Variants in EIF4G1 observed in about 807,000 individuals in gnomAD.
The protein encoded by EIF4G1 is EIF4-gamma.
Under a neutral mutation model 187.8 loss-of-function variants are expected in EIF4G1, and 4 were observed. The ratio of observed to expected loss-of-function variants is 0.02; its 90% CI spans 0.01 to 0.05. The LOEUF (loss-of-function observed/expected upper bound fraction) is 0.05. EIF4G1 is among the 10% of genes least tolerant of loss of function. EIF4G1 has a pLI of 1.00. For missense variants in EIF4G1, 1,647 were observed against 2,081.1 expected (o/e 0.79, Z 4.06); for synonymous variants, 844 against 781.4 (o/e 1.08, Z -1.34).
rs199673780 is a variant in EIF4G1 at position 184,319,684 on chromosome 3, C to A, written c.425-5C>A. 1.3e-6 allele frequency: 2 copies of A among 1,574,366 alleles called. No homozygotes were observed. Among genetic ancestry groups the A allele is most frequent in the South Asian group, 1.2e-5 (1 of 86,588 alleles). On this transcript the variant is annotated splice_region_variant and splice_polypyrimidine_tract_variant and intron_variant, in intron 6 of 32. Transcript: ENST00000346169. ...ACCATTCTTCTCCGTCCCCCCTCCC[C>A]CAAGCTGGCGCCTACTATCCAGCCC...
In EIF4G1 at chr3:184,331,568, G is replaced by A. The variant is rs766081630; in HGVS notation, c.4357G>A (p.Glu1453Lys). 1 of 1,613,430 alleles carries A rather than the reference G, an allele frequency of 6.2e-7. No homozygotes were observed. The highest frequency in any genetic ancestry group is 1.1e-5 in the South Asian group (1 of 91,034). Residue 1453 changes from glutamate (E) to lysine (K), a missense_variant, in exon 30 of 33, where the codon GAG becomes AAG. Coordinates refer to ENST00000346169, the MANE Select transcript of EIF4G1 (RefSeq NM_198241.3). Reference sequence around the variant, plus strand: ...CAGGCAGCTGGAGAAGCTGCTGAAGGAGGGCAGCAGTAACCAGCGGGTGTT... The same window carrying A: ...CAGGCAGCTGGAGAAGCTGCTGAAGAAGGGCAGCAGTAACCAGCGGGTGTT... ...LNRQLEKLLK[E>K]GSSNQRVFDW...
chr3:184,317,551 AACTC>A (rs1402287491), intron 5 of EIF4G1, 54 bp downstream of exon 5: 2 of 1,605,248 alleles, frequency 1.2e-6, no homozygotes, highest in East Asian at 2.2e-5. Context: ...CCTCTCACTT[AACTC>A]ACCCTGACCC....
At chr3:184,331,226 A>G (rs1301138983) in intron 28 of EIF4G1, 40 bp from the exon 29 acceptor site, 1 of 1,607,898 alleles carries the variant, frequency 6.2e-7, no homozygotes, top group South Asian at 1.1e-5. Flanking sequence ...CCTTGGAGAG[A>G]GAGAGCTTTG....
At chr3:184,324,841 T>A (rs1466221207) in intron 17 of EIF4G1, 37 bp from the exon 18 acceptor site, 1 of 1,607,272 alleles carries the variant, frequency 6.2e-7, no homozygotes, top group Non-Finnish European at 8.5e-7. Flanking sequence ...AGTGGCTGGT[T>A]ATCTTTTTGA....
At chr3:184,315,254 G>C (rs1162658490) in intron 1 of EIF4G1, 7 of 436,228 alleles carry the variant, frequency 1.6e-5, no homozygotes, top group Non-Finnish European at 3.2e-5. Flanking sequence ...ACTCCTGGGC[G>C]GCGGCAGGCC....
Position 184,324,213 on chromosome 3 carries a change from A to T in EIF4G1, c.2485A>T (p.Thr829Ser), listed in dbSNP as rs111500185. ...CTCTGACCTACAGCTGAAAGTGCCC[A>T]CTACGGAAAAGCCAACAGTGACTGT... is the stretch of plus-strand genomic sequence containing the variant. ...CRCLMALKVP[T>S]TEKPTVTVNF... The change falls in exon 17 of 33, where the codon ACT becomes TCT. Residue 829 changes from threonine to serine, a missense_variant. This residue lies in a region of EIF4G1 where 36 missense variants were observed against 87.6 expected (regional missense o/e 0.41). Coordinates refer to ENST00000346169, the MANE Select transcript of EIF4G1 (RefSeq NM_198241.3). The T allele has an allele frequency of 4.9e-5, 79 of 1,614,122 alleles. No individual in the cohort carries two copies. Among genetic ancestry groups the T allele is most frequent in the Non-Finnish European group, 6.3e-5 (74 of 1,180,050 alleles).
In EIF4G1 at chr3:184,323,680, A is replaced by T; in HGVS notation, c.2274+87A>T. The stretch of plus-strand genomic sequence containing the variant: ...CTCTTTGCTTCTTTTTGTCCTTATC[A>T]CTAGCATCTGTCATGCCTAAGTCCC... On this transcript the variant is annotated intron_variant, in intron 15 of 32. Transcript: ENST00000346169. The surrounding 1 kb of genome is among the most constrained non-coding windows in gnomAD (Gnocchi z 6.9). The T allele has an allele frequency of 6.2e-7, 1 of 1,610,062 alleles. No individual in the cohort carries two copies. The highest frequency in any genetic ancestry group is 1.1e-5 in the South Asian group (1 of 90,800).
At chr3:184,315,919 A>C (rs2108457301) in intron 3 of EIF4G1, 63 bp downstream of exon 3, 1 of 1,411,832 alleles carries the variant, frequency 7.1e-7, no homozygotes, top group East Asian at 3.3e-5. Flanking sequence ...CAGCCTCTGG[A>C]TCTTCCTACC....
Position 184,323,134 on chromosome 3 carries a change from A to T in EIF4G1, c.1981A>T (p.Asn661Tyr). The change falls in exon 14 of 33, where the codon AAT becomes TAT. Residue 661 changes from asparagine (N) to tyrosine (Y), a missense_variant. Around this residue, in one of 11 missense-constraint regions of EIF4G1, gnomAD observed 140 missense variants for 222.2 expected, o/e 0.63. Transcript: ENST00000346169. This position sits in a 1 kb window ranked among gnomAD's most constrained non-coding sequence, Gnocchi z 6.9. ...PLDPTRLQGI[N>Y]CGPDFTPSFA... ...GGATCCCACTAGACTACAAGGCATA[A>T]ATTGTGGCCCAGACTTCACTCCATC... The T allele has an allele frequency of 6.2e-7, 1 of 1,614,182 alleles. No homozygotes were observed. The highest frequency in any genetic ancestry group is 8.5e-7 in the Non-Finnish European group (1 of 1,180,040).
intron 6 of EIF4G1, 39 bp downstream of exon 6, chr3:184,317,855 A>C: frequency 6.8e-7 from 1 of 1,470,496 alleles, no homozygotes; most frequent in Non-Finnish European, 9.5e-7. Context: ...AACAAGCCCA[A>C]GGGAGCATCT....
chr3:184,316,307 C>A, intron 4 of EIF4G1, 89 bp downstream of exon 4: 1 of 1,511,968 alleles, frequency 6.6e-7, no homozygotes. Flanking sequence ...AAACTGGAGG[C>A]CCCATACCTG....
rs373591739 is a variant in EIF4G1 at position 184,325,913 on chromosome 3, C to T, written c.3184C>T (p.Arg1062Cys). ...CACAGTTCCCATCAGCAAAGGTAGC[C>T]GCCCCATTGACACCTCACGACTCAC... Reference protein sequence around the residue: ...WNTVPISKGSRPIDTSRLTKI... With the variant: ...WNTVPISKGSCPIDTSRLTKI... Residue 1062 changes from arginine (R) to cysteine (C), a missense_variant, in exon 21 of 33, where the codon CGC (arginine) becomes TGC (cysteine). Physicochemically the swap from Arg to Cys is radical, Grantham distance 180. Around this residue, in one of 11 missense-constraint regions of EIF4G1, gnomAD observed 142 missense variants for 296.6 expected, o/e 0.48. Transcript: ENST00000346169. The surrounding 1 kb of genome is among the most constrained non-coding windows in gnomAD (Gnocchi z 5.2). 2 of 1,614,014 alleles carry T rather than the reference C, an allele frequency of 1.2e-6. No individual in the cohort carries two copies. The highest frequency in any genetic ancestry group is 1.7e-6 in the Non-Finnish European group (2 of 1,180,022).
At chr3:184,315,741 G>C in intron 2 of EIF4G1, 22 bp from the exon 3 acceptor site, 1 of 1,537,686 alleles carries the variant, frequency 6.5e-7, no homozygotes, top group Admixed American at 2.0e-5. Context: ...TCCTCTTCCT[G>C]AGCGCCACTC....
intron 4 of EIF4G1, 63 bp downstream of exon 4, chr3:184,316,281 T>G: frequency 1.3e-6 from 2 of 1,593,968 alleles, no homozygotes; most frequent in South Asian, 2.2e-5. Context: ...CTTTGGCCAG[T>G]TTAGGTCTAG....
At chr3:184,328,863 AG>A (rs1290343044) in intron 27 of EIF4G1, 45 bp from the exon 28 acceptor site, 1 of 1,614,008 alleles carries the variant, frequency 6.2e-7, no homozygotes, top group African/African-American at 1.3e-5. Context: ...AGTAGTGGTG[AG>A]AGAACTGTGG....
At position 184,322,234 on chromosome 3, in the gene EIF4G1, T is replaced by C. The variant is rs755365957; in HGVS notation, c.1520-128T>C. ...AATCTAAGAACTAGATTAAGGACTT[T>C]TAAGCCTAAAAAGGGTGATGCAAAG... On this transcript the variant is annotated intron_variant, in intron 10 of 32. Transcript: ENST00000346169. The C allele has an allele frequency of 1.6e-4, 242 of 1,548,378 alleles. 1 individual carries two copies. The highest frequency in any genetic ancestry group is 4.8e-4 in the South Asian group (42 of 87,588).
chr3:184,323,711 C>G lies in EIF4G1; in HGVS notation c.2275-69C>G, dbSNP rs80174971. 6,892 of 1,610,618 alleles carry G rather than the reference C, an allele frequency of 4.3e-3. 272 individuals carry two copies. The African/African-American group carries it at 0.08, about 19-fold the overall frequency. ...ATCTGTCATGCCTAAGTCCCCACCACCCTCTCCTGTCCCTCCCAACAGCCT... is the reference window on the plus strand; with the variant it reads ...ATCTGTCATGCCTAAGTCCCCACCAGCCTCTCCTGTCCCTCCCAACAGCCT... On this transcript the variant is annotated intron_variant, in intron 15 of 32. Transcript: ENST00000346169. This position sits in a 1 kb window ranked among gnomAD's most constrained non-coding sequence, Gnocchi z 6.9.
At chr3:184,315,594 G>A (rs1459661736) in intron 2 of EIF4G1, 49 bp downstream of exon 2, 6 of 770,266 alleles carry the variant, frequency 7.8e-6, no homozygotes, top group Non-Finnish European at 1.4e-5. Context: ...TGGAAGTGAT[G>A]CGGGTTTGAC....
chr3:184,335,038 A>C lies in EIF4G1; in HGVS notation c.*130A>C, dbSNP rs1189901685. ...TGTAGTGTGATGTGTCTGAACTAAT[A>C]AAGTGGCTGAAGAGGCAGGATGGCT... On this transcript the variant is annotated 3_prime_UTR_variant, in exon 33 of 33. Transcript: ENST00000346169. The C allele has an allele frequency of 8.4e-6, 11 of 1,307,824 alleles. No individual in the cohort carries two copies. Among genetic ancestry groups the C allele is most frequent in the Non-Finnish European group, 1.1e-5 (10 of 944,106 alleles). The allele number at this position is 1,307,824 out of a possible 1,614,324, so 81.0% of individuals were successfully genotyped here.
Sources: allele counts gnomAD v4.1 joint callset, GRCh38; gene constraint gnomAD v4.1.1; regional missense constraint gnomAD v4.1.1; non-coding constraint Gnocchi (gnomAD v3.1); transcripts MANE v1.5; gene names NCBI Gene and HGNC (gene_info 2026-07-23, HGNC 2026-07-21).